Variants in COL4A2 observed in about 807,000 individuals in gnomAD.
The protein encoded by COL4A2 is collagen alpha-2(IV) chain.
A neutral mutation model predicts 200.2 loss-of-function variants in COL4A2; 99 were observed. The ratio of observed to expected loss-of-function variants is 0.49; its 90% CI spans 0.42 to 0.58. The LOEUF (loss-of-function observed/expected upper bound fraction) is 0.58, where lower values mean the gene tolerates loss of function less well. Ranked by LOEUF, COL4A2 falls within the 20% of genes least tolerant of loss-of-function variation. COL4A2 has a pLI of 0.00. For missense variants in COL4A2, 1,950 were observed against 2,314.1 expected, an observed-to-expected ratio of 0.84 and a Z score of 3.23; for synonymous variants, 897 against 900.6, an observed-to-expected ratio of 1.00 and a Z score of 0.07.
At position 110,368,052 on chromosome 13, in the gene COL4A2, G is replaced by A. The variant is rs567451627; in HGVS notation, c.180+10500G>A. Among the ~76,000 whole-genome samples the A allele has an allele frequency of 5.3e-5, 8 of 152,286 alleles. No homozygotes were observed. In the South Asian group the frequency reaches 1.2e-3, roughly 24 times the overall value. ...GTAAATTCCTCATCATTTAACACCTGAAATTTTGCAAATATTTGGACTTCT... is the reference window on the plus strand; with the variant it reads ...GTAAATTCCTCATCATTTAACACCTAAAATTTTGCAAATATTTGGACTTCT... On this transcript the variant is annotated intron_variant, in intron 4 of 47. Transcript: ENST00000360467.
In COL4A2 at chr13:110,457,534, C is replaced by A. The variant is rs745640846; in HGVS notation, c.1432+99C>A. The A allele has an allele frequency of 1.0e-5, 8 of 775,418 alleles. No homozygotes were observed. In the Admixed American group the frequency reaches 1.4e-4, roughly 13 times the overall value. 48.0% of individuals were successfully genotyped at this position (775,418 alleles called of 1,614,324 possible). On this transcript the variant is annotated intron_variant, in intron 21 of 47. Coordinates refer to ENST00000360467, the MANE Select transcript of COL4A2 (RefSeq NM_001846.4). ...TCCATCCCCCACTCACGTGTTTGGACATGAAAATGAGCCTGCATGTCTCTC... is the reference window on the plus strand; with the variant it reads ...TCCATCCCCCACTCACGTGTTTGGAAATGAAAATGAGCCTGCATGTCTCTC...
intron 3 of COL4A2, among the ~76,000 whole-genome samples, chr13:110,332,963 G>A (rs1875995939): frequency 1.3e-5 from 2 of 152,216 alleles, no homozygotes; most frequent in South Asian, 4.1e-4. Flanking sequence ...GAGTCAGCAA[G>A]AAGTGGGTGC....
chr13:110,489,483 C>T lies in COL4A2; in HGVS notation c.3246C>T (p.Gly1082=), dbSNP rs373937864. 4.1e-5 allele frequency: 66 copies of T among 1,614,004 alleles called. No homozygotes were observed. The highest frequency in any genetic ancestry group is 1.3e-4 in the African/African-American group (10 of 74,896). Residue 1082 remains glycine (G), a synonymous_variant, in exon 35 of 48, where the codon GGC becomes GGT. Transcript: ENST00000360467. ...KGAPGRAGLY[G]EIGATGDFGD... ...CCCCAGGGAGAGCAGGCCTGTATGG[C>T]GAGATTGGCGCGACTGGTGATTTCG...
At chr13:110,338,344 G>C (rs1566480710) in intron 3 of COL4A2, among the ~76,000 whole-genome samples, 1 of 150,824 alleles carries the variant, frequency 6.6e-6, no homozygotes, top group East Asian at 1.9e-4. Flanking sequence ...GAGAGAGAGA[G>C]AGAAAGAGAG....
At chr13:110,318,205 G>A (rs776357316) in intron 3 of COL4A2, among the ~76,000 whole-genome samples, 17 of 152,196 alleles carry the variant, frequency 1.1e-4, no homozygotes, top group Non-Finnish European at 2.4e-4. Context: ...GAACATGTCT[G>A]ATGCTGCTAG....
chr13:110,497,688 C>T (rs1883505393), intron 40 of COL4A2, among the ~76,000 whole-genome samples: 1 of 152,038 alleles, frequency 6.6e-6, no homozygotes, highest in Non-Finnish European at 1.5e-5. Flanking sequence ...TCCACTAGCA[C>T]AACCTCCACT....
intron 4 of COL4A2, among the ~76,000 whole-genome samples, chr13:110,360,001 G>A (rs1396796075): frequency 1.3e-5 from 2 of 152,212 alleles, no homozygotes; most frequent in Non-Finnish European, 1.5e-5. Context: ...CACTTAACAA[G>A]GCTAAATAAT....
intron 27 of COL4A2, chr13:110,468,167 G>A (rs993921827): frequency 4.2e-6 from 2 of 471,276 alleles, no homozygotes; most frequent in Non-Finnish European, 8.8e-6. Context: ...GCACCTTAAG[G>A]GGGTCTTCGG....
At chr13:110,461,324 G>A (rs1882018041) in intron 22 of COL4A2, among the ~76,000 whole-genome samples, 1 of 152,212 alleles carries the variant, frequency 6.6e-6, no homozygotes, top group Admixed American at 6.5e-5. Flanking sequence ...TTAATTCAGT[G>A]CTTCTCAAAA....
At position 110,408,823 on chromosome 13, in the gene COL4A2, ATG is replaced by A. The variant is rs113438489; in HGVS notation, c.181-15910_181-15909del. Among the ~76,000 whole-genome samples the A allele has an allele frequency of 3.0e-3, 421 of 138,234 alleles. 2 individuals are homozygous for A. The highest frequency in any genetic ancestry group is 5.4e-3 in the South Asian group (23 of 4,228). The allele number at this position is 138,234 out of a possible 152,430, so 90.7% of individuals were successfully genotyped here. A position where few individuals can be genotyped will look rare whatever the true frequency, so the allele number is the denominator to read the frequency against. On this transcript the variant is annotated intron_variant, in intron 4 of 47. Transcript: ENST00000360467. ...CGCACACATATATATACACACACAC[ATG>A]CACACACACATACACGCACACATAT...
intron 16 of COL4A2, among the ~76,000 whole-genome samples, chr13:110,440,107 C>G (rs1323232059): frequency 6.6e-6 from 1 of 152,206 alleles, no homozygotes. Context: ...TATCGTCCAA[C>G]CTCACACCCC....
rs1884090464 is a variant in COL4A2, at chr13:110,511,821, A to G, written c.4882-113A>G. 1.1e-5 allele frequency: 17 copies of G among 1,524,782 alleles called. No individual in the cohort carries two copies. The South Asian group carries it at 1.7e-4, about 15-fold the overall frequency. The allele number at this position is 1,524,782 out of a possible 1,614,324, so 94.5% of individuals were successfully genotyped here. On this transcript the variant is annotated intron_variant, in intron 47 of 47. Transcript: ENST00000360467. Reference sequence around the variant, plus strand: ...GAGGATGCCTCATGTCCGTATTGACACTCATGGTTTGCTGTTCAGTAAAAA... The same window carrying G: ...GAGGATGCCTCATGTCCGTATTGACGCTCATGGTTTGCTGTTCAGTAAAAA...
chr13:110,465,370 A>G (rs1275333287), intron 24 of COL4A2, 35 bp from the exon 25 acceptor site: 9 of 1,566,104 alleles, frequency 5.7e-6, no homozygotes, highest in Non-Finnish European at 6.9e-6. Flanking sequence ...TAACATTAGT[A>G]TATATTTTAA....
intron 21 of COL4A2, chr13:110,458,020 G>C: frequency 2.3e-6 from 1 of 429,072 alleles, no homozygotes; most frequent in South Asian, 1.8e-5. Context: ...TGTGGGCCCT[G>C]GTGTGGTGCA....
rs1883210896 is a variant in COL4A2, at chr13:110,489,425, T to C, written c.3208-20T>C. The stretch of plus-strand genomic sequence containing the variant: ...TGACTTCGCTAACAGCCTTCTAAGA[T>C]GGTTCATGTCTGTCTTTAGGGTGAC... On this transcript the variant is annotated intron_variant, in intron 34 of 47. Transcript: ENST00000360467. 1 of 1,613,714 alleles carries C rather than the reference T, an allele frequency of 6.2e-7. No homozygotes were observed.
chr13:110,493,484 C>G (rs141794359), intron 39 of COL4A2, among the ~76,000 whole-genome samples: 1 of 152,180 alleles, frequency 6.6e-6, no homozygotes, highest in Admixed American at 6.5e-5. Context: ...CCCTAAGAAT[C>G]GGTTTCTCAA....
chr13:110,310,245 C>T (rs987684993), intron 3 of COL4A2, among the ~76,000 whole-genome samples: 1 of 152,182 alleles, frequency 6.6e-6, no homozygotes, highest in East Asian at 1.9e-4. Context: ...TCTCAAAGTG[C>T]AGGCCCCCTA....
At chr13:110,511,698 T>C (rs754368268) in intron 47 of COL4A2, among the ~76,000 whole-genome samples, 1 of 152,280 alleles carries the variant, frequency 6.6e-6, no homozygotes, top group Non-Finnish European at 1.5e-5. Flanking sequence ...TTAGTGTCCA[T>C]GCAGCTGCCT....
At chr13:110,503,678 A>C (rs1883732244) in intron 43 of COL4A2, among the ~76,000 whole-genome samples, 169 bp from the exon 44 acceptor site, 1 of 152,202 alleles carries the variant, frequency 6.6e-6, no homozygotes, top group South Asian at 2.1e-4. Context: ...TTCAAACGGC[A>C]GGCGCTGAGT....
Sources: gnomAD v4.1 joint callset for allele counts (sites outside exome capture counted in the v4.1 genomes callset) on GRCh38, gnomAD v4.1.1 for gene constraint, MANE v1.5 for transcripts, NCBI Gene and HGNC (gene_info 2026-07-23, HGNC 2026-07-21) for gene names.